Variants in SMCO4 observed in about 807,000 individuals in gnomAD.
SMCO4 encodes the protein single-pass membrane protein with coiled-coil domains 4.
In SMCO4, 4 loss-of-function variants were observed where a neutral mutation model predicts 3.6. That is an observed-to-expected ratio of 1.11 (90% CI 0.54 to 2.53). The LOEUF is 2.53. Among genes scored for constraint, SMCO4 ranks in the 30% most tolerant of loss-of-function variants. The probability of loss-of-function intolerance (pLI) is 0.02; values close to 1 mark genes in which losing one functional copy is unlikely to be tolerated. For missense variants in SMCO4, 70 were observed against 80.8 expected (o/e 0.87, Z 0.51); for synonymous variants, 36 against 35.3 (o/e 1.02, Z -0.07).
At chr11:93,516,438 C>T (rs1949008306) in intron 1 of SMCO4, among the ~76,000 whole-genome samples, 1 of 152,190 alleles carries the variant, frequency 6.6e-6, no homozygotes, top group Non-Finnish European at 1.5e-5. Context: ...TAAAGAACCA[C>T]CAATATATAA....
chr11:93,504,918 G>C (rs1948884653), intron 1 of SMCO4, among the ~76,000 whole-genome samples: 1 of 152,204 alleles, frequency 6.6e-6, no homozygotes, highest in African/African-American at 2.4e-5. Flanking sequence ...ACAGCACAGT[G>C]AGTTAGGGCA....
rs908210711 is a variant in SMCO4, at chr11:93,492,523, CAA to C, written c.-81+6751_-81+6752del. Among the ~76,000 whole-genome samples, 11 of 152,142 alleles carry C rather than the reference CAA, an allele frequency of 7.2e-5. No homozygotes were observed. In the South Asian group the frequency reaches 1.0e-3, roughly 14 times the overall value. ...AGGAACAAAGTGCTATGAAGAAAGACAAAAGAGTGTAAGGTGACCAGGTGGGA... is the reference window on the plus strand; with the variant it reads ...AGGAACAAAGTGCTATGAAGAAAGACAAGAGTGTAAGGTGACCAGGTGGGA... On this transcript the variant is annotated intron_variant, in intron 2 of 2. Transcript: ENST00000298966.
At chr11:93,535,511 A>C (rs1565390699) in intron 1 of SMCO4, 1 of 1,395,428 alleles carries the variant, frequency 7.2e-7, no homozygotes, top group African/African-American at 1.4e-5. Context: ...GGAGCTGACC[A>C]GACTTTTCCA....
At chr11:93,483,268 C>G (rs970238536) in intron 2 of SMCO4, among the ~76,000 whole-genome samples, 1 of 152,198 alleles carries the variant, frequency 6.6e-6, no homozygotes, top group Non-Finnish European at 1.5e-5. Flanking sequence ...CCACAGAGCA[C>G]TGTCCATGCC....
At chr11:93,527,106 A>G (rs1442927804) in intron 1 of SMCO4, among the ~76,000 whole-genome samples, 1 of 152,198 alleles carries the variant, frequency 6.6e-6, no homozygotes, top group Non-Finnish European at 1.5e-5. Context: ...CACACACCCT[A>G]AATCGGGCTG....
At chr11:93,536,003 T>C (rs567928031) in intron 1 of SMCO4, among the ~76,000 whole-genome samples, 22 of 152,304 alleles carry the variant, frequency 1.4e-4, no homozygotes, top group African/African-American at 5.3e-4. Flanking sequence ...TTATTTTGCA[T>C]TTGGCTAATT....
At position 93,530,255 on chromosome 11, in the gene SMCO4, G is replaced by A. The variant is rs115347784; in HGVS notation, c.-154+13021C>T. Among the ~76,000 whole-genome samples the A allele has an allele frequency of 9.7e-3, 1,479 of 152,270 alleles. 18 individuals carry two copies. Among genetic ancestry groups the A allele is most frequent in the Middle Eastern group, 0.034 (10 of 294 alleles). On this transcript the variant is annotated intron_variant, in intron 1 of 2. Coordinates refer to ENST00000298966, the MANE Select transcript of SMCO4 (RefSeq NM_020179.3). ...GAGCCCACCAGTTCACACGTGTGAG[G>A]CCCTGCAGCTCACAGCAGGGCAGCT...
chr11:93,484,657 T>C lies in SMCO4; in HGVS notation c.-80-5388A>G, dbSNP rs1199622023. 3.9e-5 allele frequency among the ~76,000 whole-genome samples: 6 copies of C among 151,904 alleles called. No individual in the cohort carries two copies. The East Asian group carries it at 1.2e-3, about 29-fold the overall frequency. On this transcript the variant is annotated intron_variant, in intron 2 of 2. Coordinates refer to ENST00000298966, the MANE Select transcript of SMCO4 (RefSeq NM_020179.3). The stretch of plus-strand genomic sequence containing the variant: ...TCCAGCGAGGTCTGTGCTGTGGAGA[T>C]GTACATGAATCTGGGAAACACCAGG...
chr11:93,527,149 C>T (rs978279430), intron 1 of SMCO4, among the ~76,000 whole-genome samples: 1 of 152,182 alleles, frequency 6.6e-6, no homozygotes, highest in Non-Finnish European at 1.5e-5. Context: ...CAATCCAACC[C>T]CTAGAGTTTC....
In SMCO4 at chr11:93,489,564, G is replaced by A. The variant is rs568293664; in HGVS notation, c.-81+9712C>T. Among the ~76,000 whole-genome samples, 8 of 152,294 alleles carry A rather than the reference G, an allele frequency of 5.3e-5. No individual in the cohort carries two copies. In the East Asian group the frequency reaches 5.8e-4, roughly 11 times the overall value. On this transcript the variant is annotated intron_variant, in intron 2 of 2. Transcript: ENST00000298966. ...GGAAAGTCAGGATGGCACCAACCGC[G>A]CAGGTGTAGGCATAGAAAAAGTAGG... is the stretch of plus-strand genomic sequence containing the variant.
intron 2 of SMCO4, among the ~76,000 whole-genome samples, chr11:93,490,832 C>T (rs1201376196): frequency 6.6e-6 from 1 of 152,248 alleles, no homozygotes; most frequent in Non-Finnish European, 1.5e-5. Context: ...GCAGGGAACG[C>T]TCTATCTCCC....
At chr11:93,536,680 G>A (rs922616994) in intron 1 of SMCO4, among the ~76,000 whole-genome samples, 2 of 152,174 alleles carry the variant, frequency 1.3e-5, no homozygotes, top group Non-Finnish European at 2.9e-5. Flanking sequence ...CTGGGGAGGG[G>A]TGCTGGGTGA....
intron 1 of SMCO4, among the ~76,000 whole-genome samples, chr11:93,527,563 C>T (rs1181808873): frequency 1.3e-5 from 2 of 152,140 alleles, no homozygotes; most frequent in African/African-American, 4.8e-5. Flanking sequence ...CTCAAGCGAC[C>T]TTCCCAACTC....
chr11:93,499,912 A>T (rs1396479534), intron 1 of SMCO4, among the ~76,000 whole-genome samples: 1 of 152,242 alleles, frequency 6.6e-6, no homozygotes, highest in Non-Finnish European at 1.5e-5. Flanking sequence ...GAGGACAGCC[A>T]ACAAATTAAC....
intron 2 of SMCO4, among the ~76,000 whole-genome samples, chr11:93,494,927 C>T (rs1948757287): frequency 6.6e-6 from 1 of 152,112 alleles, no homozygotes; most frequent in Non-Finnish European, 1.5e-5. Context: ...CATGATCTGG[C>T]TCCTGCCTAC....
chr11:93,514,376 A>G (rs1948985817), intron 1 of SMCO4, among the ~76,000 whole-genome samples: 1 of 5,138 alleles, frequency 1.9e-4, no homozygotes, highest in East Asian at 0.019. Context: ...GGATGAGGCT[A>G]TATATATATA....
At chr11:93,487,440 G>A (rs768754980) in intron 2 of SMCO4, among the ~76,000 whole-genome samples, 2 of 152,218 alleles carry the variant, frequency 1.3e-5, no homozygotes, top group Non-Finnish European at 1.5e-5. Flanking sequence ...GCCAGTGGGT[G>A]TATGGAGGGG....
the SMCO4 span, among the ~76,000 whole-genome samples, chr11:93,553,583 C>A: frequency 2.0e-5 from 3 of 152,294 alleles, no homozygotes; most frequent in South Asian, 6.2e-4. Context: ...ATAATTTACA[C>A]CTTTCACTGC....
chr11:93,486,724 T>C (rs1442666863), intron 2 of SMCO4, among the ~76,000 whole-genome samples: 1 of 152,116 alleles, frequency 6.6e-6, no homozygotes, highest in Non-Finnish European at 1.5e-5. Context: ...CGAGAAGAGC[T>C]TGACCAGACC....
Sources: allele counts gnomAD v4.1 joint callset (sites outside exome capture counted in the v4.1 genomes callset), GRCh38; gene constraint gnomAD v4.1.1; transcripts MANE v1.5; gene names NCBI Gene and HGNC (gene_info 2026-07-23, HGNC 2026-07-21).